CAGE1: variants seen among roughly 807,000 people sequenced by gnomAD.
CAGE1 encodes cancer-associated gene 1 protein.
CAGE1 carries 66 observed loss-of-function variants against 94.9 expected under a neutral mutation model. That is an observed-to-expected ratio of 0.70 (90% CI 0.57 to 0.85). The LOEUF is 0.85. CAGE1 is among the 40% of genes least tolerant of loss of function. The pLI is 0.00. For missense variants in CAGE1, 865 were observed against 950.4 expected, an observed-to-expected ratio of 0.91 and a Z score of 1.18; for synonymous variants, 319 against 321.0, an observed-to-expected ratio of 0.99 and a Z score of 0.07.
In CAGE1 at chr6:7,370,082, CAG is replaced by C. The variant is rs763421870; in HGVS notation, c.1747-19_1747-18del. The C allele has an allele frequency of 7.7e-6, 12 of 1,556,124 alleles. No homozygotes were observed. The highest frequency in any genetic ancestry group is 8.7e-6 in the Non-Finnish European group (10 of 1,152,396). Reference sequence around the variant, plus strand: ...TTTTGTATCCTACATGCACGTAATTCAGATTTGTCAAAATAATGATGAAGAAC... The same window carrying C: ...TTTTGTATCCTACATGCACGTAATTCATTTGTCAAAATAATGATGAAGAAC... On this transcript the variant is annotated intron_variant, in intron 5 of 13. Coordinates refer to ENST00000502583, the MANE Select transcript of CAGE1 (RefSeq NM_001170692.2).
rs1760848173 is a variant in CAGE1 at position 7,378,975 on chromosome 6, A to G, written c.329T>C (p.Val110Ala). ...NYSTNALIQP[V>A]DTISISSLRQ... ...CAAGGAAGATATGCTGATGGTGTCA[A>G]CTGGCTGAATTAGTGCATTCGTTGA... The change falls in exon 4 of 14, where the codon GTT becomes GCT. Residue 110 changes from valine to alanine, a missense_variant. Val to Ala is a moderately conservative substitution (Grantham distance 64). Coordinates refer to ENST00000502583, the MANE Select transcript of CAGE1 (RefSeq NM_001170692.2). 6.4e-7 allele frequency: 1 copy of G among 1,563,372 alleles called. No individual in the cohort carries two copies. The highest frequency in any genetic ancestry group is 8.7e-7 in the Non-Finnish European group (1 of 1,153,044).
At chr6:7,341,052 C>G in intron 11 of CAGE1, 1 of 482,302 alleles carries the variant, frequency 2.1e-6, no homozygotes, top group Non-Finnish European at 4.0e-6. Context: ...TCAAGTTGAT[C>G]CAGATATAGA....
At chr6:7,345,456 A>G (rs763588200) in intron 11 of CAGE1, among the ~76,000 whole-genome samples, 2 of 152,222 alleles carry the variant, frequency 1.3e-5, no homozygotes, top group African/African-American at 4.8e-5. Context: ...AAGTGAGACC[A>G]AGTAGCCCAA....
intron 11 of CAGE1, among the ~76,000 whole-genome samples, chr6:7,338,670 A>G (rs1175020303): frequency 6.6e-6 from 1 of 151,612 alleles, no homozygotes; most frequent in Admixed American, 6.6e-5. Flanking sequence ...AGCAGTATAC[A>G]CTGTACCCAA....
chr6:7,348,184 C>G (rs1229118223), intron 11 of CAGE1, among the ~76,000 whole-genome samples: 1 of 152,170 alleles, frequency 6.6e-6, no homozygotes, highest in Non-Finnish European at 1.5e-5. Flanking sequence ...CACCCCCCTG[C>G]CACGTCCACG....
At chr6:7,345,270 G>A (rs1400384842) in intron 11 of CAGE1, among the ~76,000 whole-genome samples, 3 of 152,298 alleles carry the variant, frequency 2.0e-5, no homozygotes, top group Admixed American at 2.0e-4. Flanking sequence ...GCTACCTTAA[G>A]AGTTGCAGCA....
At chr6:7,357,298 C>T (rs1023910714) in intron 9 of CAGE1, among the ~76,000 whole-genome samples, 35 of 152,072 alleles carry the variant, frequency 2.3e-4, no homozygotes, top group African/African-American at 7.5e-4. Flanking sequence ...CTCAATTTAA[C>T]AGTTGGAACA....
chr6:7,355,209 A>T (rs1302594122), intron 10 of CAGE1, 98 bp from the exon 11 acceptor site: 1 of 741,562 alleles, frequency 1.3e-6, no homozygotes, highest in African/African-American at 1.8e-5. Flanking sequence ...TCTGACTATT[A>T]ATGAAAGTTT....
intron 11 of CAGE1, among the ~76,000 whole-genome samples, chr6:7,345,682 C>T (rs1759468338): frequency 6.6e-6 from 1 of 152,128 alleles, no homozygotes; most frequent in African/African-American, 2.4e-5. Context: ...AATCCCAGCA[C>T]TTTGGGAGGC....
intron 13 of CAGE1, 61 bp downstream of exon 13, chr6:7,329,788 T>G (rs192647736): frequency 8.7e-6 from 7 of 804,144 alleles, no homozygotes; most frequent in Middle Eastern, 2.3e-4. Flanking sequence ...TTAAATCTTG[T>G]GTTATTGTCA....
chr6:7,338,798 C>T (rs1759058836), intron 11 of CAGE1: 1 of 832,298 alleles, frequency 1.2e-6, no homozygotes, highest in Admixed American at 1.8e-5. Context: ...CTTTACAGAG[C>T]AACATCCAGA....
intron 11 of CAGE1, among the ~76,000 whole-genome samples, chr6:7,342,583 G>A (rs1759225323): frequency 6.6e-6 from 1 of 152,200 alleles, no homozygotes. Context: ...CTTCTCTCCA[G>A]TCTAAAGCCT....
At chr6:7,370,439 G>T (rs2113446130) in intron 5 of CAGE1, among the ~76,000 whole-genome samples, 1 of 152,156 alleles carries the variant, frequency 6.6e-6, no homozygotes, top group Non-Finnish European at 1.5e-5. Flanking sequence ...AACCACAGGT[G>T]CATGCCACCA....
At chr6:7,358,053 T>TTG (rs1760034351) in intron 9 of CAGE1, among the ~76,000 whole-genome samples, 10 of 122,734 alleles carry the variant, frequency 8.1e-5, no homozygotes, top group African/African-American at 3.2e-4. Context: ...TATATATATA[T>TTG]ATATATATAT....
chr6:7,378,790 A>G lies in CAGE1; in HGVS notation c.514T>C (p.Ser172Pro), dbSNP rs1760840686. Residue 172 changes from serine (S) to proline (P), a missense_variant, in exon 4 of 14, where the codon TCT becomes CCT. Ser to Pro is a moderately conservative substitution (Grantham distance 74). Transcript: ENST00000502583. ...TTACCAAGTTGGTCTGTATTTGCAG[A>G]AACACTAGTTTCCATTGGATTTTCT... ...KEENPMETSV[S>P]ANTDQLGNEY... 2 of 1,613,888 alleles carry G rather than the reference A, an allele frequency of 1.2e-6. No individual in the cohort carries two copies. The highest frequency in any genetic ancestry group is 1.6e-4 in the Middle Eastern group (1 of 6,062).
At chr6:7,359,161 C>T (rs1006030147) in intron 9 of CAGE1, among the ~76,000 whole-genome samples, 8 of 152,202 alleles carry the variant, frequency 5.3e-5, no homozygotes, top group African/African-American at 1.9e-4. Context: ...ATTCTCCTGC[C>T]TTGGCCTCCC....
intron 4 of CAGE1, among the ~76,000 whole-genome samples, chr6:7,377,673 G>A (rs1440216397): frequency 6.6e-6 from 1 of 152,144 alleles, no homozygotes; most frequent in Admixed American, 6.6e-5. Context: ...GGAAGCAGGG[G>A]TTGCGGTGAG....
intron 11 of CAGE1, 105 bp downstream of exon 11, chr6:7,354,936 G>T: frequency 1.3e-6 from 1 of 764,220 alleles, no homozygotes; most frequent in East Asian, 2.6e-5. Context: ...TAATAAAACT[G>T]CACATTTTTC....
chr6:7,389,618 G>A lies in CAGE1; in HGVS notation c.-440C>T. On this transcript the variant is annotated 5_prime_UTR_variant, in exon 1 of 14. Coordinates refer to ENST00000502583, the MANE Select transcript of CAGE1 (RefSeq NM_001170692.2). Reference sequence around the variant, plus strand: ...CCTGCCGCAGTAAACACAAAGTGGGGTACAGAAACGAAAACTCCGGGAAGA... The same window carrying A: ...CCTGCCGCAGTAAACACAAAGTGGGATACAGAAACGAAAACTCCGGGAAGA... The A allele has an allele frequency of 2.8e-6, 1 of 352,384 alleles. No homozygotes were observed. The highest frequency in any genetic ancestry group is 5.5e-6 in the Non-Finnish European group (1 of 181,100). 21.8% of individuals were successfully genotyped at this position (352,384 alleles called of 1,614,324 possible).
Sources: gnomAD v4.1 joint callset for allele counts (sites outside exome capture counted in the v4.1 genomes callset) on GRCh38, gnomAD v4.1.1 for gene constraint, MANE v1.5 for transcripts, NCBI Gene and HGNC (gene_info 2026-07-23, HGNC 2026-07-21) for gene names.